UBE2G2: variants seen among roughly 807,000 people sequenced by gnomAD.
The protein encoded by UBE2G2 is ubiquitin-conjugating enzyme E2 G2.
In UBE2G2, 10 loss-of-function variants were observed where a neutral mutation model predicts 23.0. That is an observed-to-expected ratio of 0.43 (90% CI 0.27 to 0.74). The LOEUF (loss-of-function observed/expected upper bound fraction) is 0.74. UBE2G2 is among the 30% of genes least tolerant of loss of function. UBE2G2 has a pLI of 0.19. For synonymous variants in UBE2G2, 86 were observed against 81.3 expected (o/e 1.06, Z -0.31); for missense variants, 150 against 218.3 (o/e 0.69, Z 1.97).
rs374674260 is a variant in UBE2G2 at position 44,788,403 on chromosome 21, C to T, written c.44-308G>A. On this transcript the variant is annotated intron_variant, in intron 1 of 5. Coordinates refer to ENST00000345496, the MANE Select transcript of UBE2G2 (RefSeq NM_003343.6). ...CTCCCAGGTTCATGCCATTCACCTGCCTCAGCCTCCCAAGTAGCTGGGACT... is the reference window on the plus strand; with the variant it reads ...CTCCCAGGTTCATGCCATTCACCTGTCTCAGCCTCCCAAGTAGCTGGGACT... Among the ~76,000 whole-genome samples the T allele has an allele frequency of 6.6e-5, 10 of 151,154 alleles. No individual in the cohort carries two copies. The South Asian group carries it at 1.9e-3, about 29-fold the overall frequency.
chr21:44,787,917 T>C lies in UBE2G2; in HGVS notation c.125+3A>G. ...AAAACTAGTACACCTAAAATTAACT[T>C]ACATGATCAATGCCTCCCATTCAAA... On this transcript the variant is annotated splice_donor_region_variant and intron_variant, in intron 3 of 5. Transcript: ENST00000345496. 1 of 1,613,912 alleles carries C rather than the reference T, an allele frequency of 6.2e-7. No individual in the cohort carries two copies. The highest frequency in any genetic ancestry group is 1.3e-5 in the African/African-American group (1 of 75,042).
rs782668039 is a variant in UBE2G2, at chr21:44,771,540, C to G, written c.386-51G>C. 23 of 1,569,498 alleles carry G rather than the reference C, an allele frequency of 1.5e-5. No individual in the cohort carries two copies. Among genetic ancestry groups the G allele is most frequent in the Non-Finnish European group, 1.8e-5 (21 of 1,150,246 alleles). ...TGTAAAAGGGAGTCTTATACGTAAG[C>G]AGCCTGGCAAGGTCTCCCATTTATT... is the stretch of plus-strand genomic sequence containing the variant. On this transcript the variant is annotated intron_variant, in intron 5 of 5. Transcript: ENST00000345496. The surrounding 1 kb of genome is among the most constrained non-coding windows in gnomAD (Gnocchi z 4.6).
At chr21:44,781,745 T>G (rs919499256) in intron 3 of UBE2G2, among the ~76,000 whole-genome samples, 4 of 152,250 alleles carry the variant, frequency 2.6e-5, no homozygotes, top group African/African-American at 9.6e-5. Context: ...TGTTTTGTGG[T>G]GTTCTAAGCA....
In UBE2G2 at chr21:44,769,759, A is replaced by T. The variant is rs560207327; in HGVS notation, c.*1618T>A. On this transcript the variant is annotated 3_prime_UTR_variant, in exon 6 of 6. Transcript: ENST00000345496. ...CCAGGCGTGGAGCTACTTCAACCAG[A>T]AACTGTCACCCATGACACTCTGTGT... The T allele has an allele frequency of 6.6e-6, 1 of 152,364 alleles. No individual in the cohort carries two copies. The highest frequency in any genetic ancestry group is 1.5e-5 in the Non-Finnish European group (1 of 68,050). 9.4% of individuals were successfully genotyped at this position (152,364 alleles called of 1,614,324 possible).
chr21:44,799,173 T>C (rs782629056), intron 1 of UBE2G2, among the ~76,000 whole-genome samples: 2 of 152,214 alleles, frequency 1.3e-5, no homozygotes, highest in Non-Finnish European at 2.9e-5. Flanking sequence ...TTTCCATCTC[T>C]AGAGCTCAGA....
In UBE2G2 at chr21:44,787,922, G is replaced by A. The variant is rs1002886283; in HGVS notation, c.123C>T (p.Ile41=). Residue 41 remains isoleucine, a splice_region_variant and synonymous_variant, in exon 3 of 6, where the codon ATC becomes ATT. Transcript: ENST00000345496. ...TAGTACACCTAAAATTAACTTACAT[G>A]ATCAATGCCTCCCATTCAAAAAAGT... The part of the protein sequence containing the change: ...EENFFEWEAL[I]MGPEDTCFEF... The A allele has an allele frequency of 1.9e-6, 3 of 1,613,838 alleles. No individual in the cohort carries two copies. The highest frequency in any genetic ancestry group is 3.3e-5 in the Admixed American group (2 of 59,934).
intron 1 of UBE2G2, among the ~76,000 whole-genome samples, 184 bp from the exon 2 acceptor site, chr21:44,788,279 G>GTTTGTTTTTTTTTTTTTT (rs2083013354): frequency 8.2e-6 from 1 of 121,722 alleles, no homozygotes. Flanking sequence ...ACTACACAAA[G>GTTTGTTTTTTTTTTTTTT]TTTTTTTGTT....
At chr21:44,785,517 T>G (rs2082989458) in intron 3 of UBE2G2, 3 of 152,228 alleles carry the variant, frequency 2.0e-5, no homozygotes, top group Non-Finnish European at 4.4e-5. Flanking sequence ...AAATGACATT[T>G]TCTTCACTGG....
rs782290771 is a variant in UBE2G2 at position 44,771,357 on chromosome 21, C to A, written c.*20G>T. The A allele has an allele frequency of 7.5e-6, 12 of 1,604,614 alleles. No homozygotes were observed. The highest frequency in any genetic ancestry group is 2.2e-5 in the East Asian group (1 of 44,844). ...GCTGAGCTGCTTGGCGGTGTGTGCG[C>A]GCCTGTGCGAGGCCAGGTCTCACAG... On this transcript the variant is annotated 3_prime_UTR_variant, in exon 6 of 6. Coordinates refer to ENST00000345496, the MANE Select transcript of UBE2G2 (RefSeq NM_003343.6). The surrounding 1 kb of genome is among the most constrained non-coding windows in gnomAD (Gnocchi z 4.6).
chr21:44,774,855 C>T, intron 4 of UBE2G2: 1 of 387,808 alleles, frequency 2.6e-6, no homozygotes, highest in Non-Finnish European at 5.1e-6. Flanking sequence ...CACCTGTGTC[C>T]CTGCCACAGC....
intron 1 of UBE2G2, among the ~76,000 whole-genome samples, chr21:44,788,517 C>T (rs1434125229): frequency 6.6e-6 from 1 of 152,064 alleles, no homozygotes; most frequent in Non-Finnish European, 1.5e-5. Flanking sequence ...TCTAGATCTC[C>T]TGACCTCGTG....
intron 1 of UBE2G2, among the ~76,000 whole-genome samples, chr21:44,798,046 T>C (rs1186728609): frequency 2.6e-5 from 4 of 152,106 alleles, no homozygotes; most frequent in African/African-American, 9.7e-5. Flanking sequence ...TAGTCTCAGC[T>C]ACTCAGGTGG....
intron 3 of UBE2G2, among the ~76,000 whole-genome samples, chr21:44,781,861 C>T (rs2082959943): frequency 6.6e-6 from 1 of 152,168 alleles, no homozygotes; most frequent in Non-Finnish European, 1.5e-5. Context: ...ATAGCTTTTG[C>T]TCCATATAAT....
chr21:44,794,997 G>A (rs966327559), intron 1 of UBE2G2, among the ~76,000 whole-genome samples: 3 of 152,210 alleles, frequency 2.0e-5, no homozygotes, highest in African/African-American at 7.2e-5. Flanking sequence ...GCCGGGGGCT[G>A]TGGCTCATGC....
intron 3 of UBE2G2, among the ~76,000 whole-genome samples, chr21:44,787,638 A>C (rs1349206296): frequency 6.6e-6 from 1 of 152,226 alleles, no homozygotes; most frequent in Non-Finnish European, 1.5e-5. Flanking sequence ...ACGATCATAC[A>C]ACATTCCAAA....
At chr21:44,779,204 T>G in intron 3 of UBE2G2, 1 of 452,320 alleles carries the variant, frequency 2.2e-6, no homozygotes, top group Non-Finnish European at 4.4e-6. Flanking sequence ...CTCATGGCCC[T>G]AGCAGGGCTG....
rs2082872120 is a variant in UBE2G2, at chr21:44,771,312, T to C, written c.*65A>G. On this transcript the variant is annotated 3_prime_UTR_variant, in exon 6 of 6. Coordinates refer to ENST00000345496, the MANE Select transcript of UBE2G2 (RefSeq NM_003343.6). The surrounding 1 kb of genome is among the most constrained non-coding windows in gnomAD (Gnocchi z 4.6). ...TACCAGCACAGAGCATCACTGTCACTAAGTGTGCCGGGGGAGAATGCTGAG... is the reference window on the plus strand; with the variant it reads ...TACCAGCACAGAGCATCACTGTCACCAAGTGTGCCGGGGGAGAATGCTGAG... 1.4e-6 allele frequency: 2 copies of C among 1,464,182 alleles called. No homozygotes were observed. Among genetic ancestry groups the C allele is most frequent in the Admixed American group, 1.7e-5 (1 of 59,506 alleles). The allele number at this position is 1,464,182 out of a possible 1,614,324, so 90.7% of individuals were successfully genotyped here.
chr21:44,793,939 G>A (rs142388754), intron 1 of UBE2G2, among the ~76,000 whole-genome samples: 1 of 152,254 alleles, frequency 6.6e-6, no homozygotes, highest in East Asian at 1.9e-4. Flanking sequence ...ATACCAGTGG[G>A]GTACTTTGCA....
Position 44,772,929 on chromosome 21 carries a change from T to C in UBE2G2, c.385+618A>G, listed in dbSNP as rs915584892. ...CCCAACTCCAATCCCCAGGGTCTGC[T>C]GGGGCTCCTCTCCCTGCAGCCTTGG... On this transcript the variant is annotated intron_variant, in intron 5 of 5. Transcript: ENST00000345496. The surrounding 1 kb of genome is among the most constrained non-coding windows in gnomAD (Gnocchi z 5.4). Among the ~76,000 whole-genome samples, 28 of 152,218 alleles carry C rather than the reference T, an allele frequency of 1.8e-4. 1 individual carries two copies. The highest frequency in any genetic ancestry group is 2.9e-5 in the Non-Finnish European group (2 of 68,036).
Sources: allele counts gnomAD v4.1 joint callset (sites outside exome capture counted in the v4.1 genomes callset), GRCh38; gene constraint gnomAD v4.1.1; non-coding constraint Gnocchi (gnomAD v3.1); transcripts MANE v1.5; gene names NCBI Gene and HGNC (gene_info 2026-07-23, HGNC 2026-07-21).